The following ARHGAP35 variants were observed in gnomAD, a reference collection of about 807,000 sequenced individuals.
The protein encoded by ARHGAP35 is Rho GTPase activating protein 35.
In ARHGAP35, 15 loss-of-function variants were observed where a neutral mutation model predicts 111.1. The ratio of observed to expected loss-of-function variants is 0.13; its 90% CI spans 0.09 to 0.21. ARHGAP35 has a LOEUF of 0.21. ARHGAP35 is among the 10% of genes least tolerant of loss of function. The pLI is 1.00. For synonymous variants in ARHGAP35, 643 were observed against 710.3 expected (o/e 0.91, Z 1.51); for missense variants, 1,262 against 1,873.0 (o/e 0.67, Z 6.02).
chr19:46,972,607 G>T (rs2056557006), intron 3 of ARHGAP35, among the ~76,000 whole-genome samples: 1 of 152,190 alleles, frequency 6.6e-6, no homozygotes, highest in Non-Finnish European at 1.5e-5. Context: ...GAGTCTCCCT[G>T]TCCTTGATTG....
intron 3 of ARHGAP35, among the ~76,000 whole-genome samples, chr19:46,950,986 G>T (rs769184852): frequency 6.6e-6 from 1 of 152,210 alleles, no homozygotes; most frequent in Non-Finnish European, 1.5e-5. Context: ...AAGAAATGAG[G>T]CTCTTACCCC....
rs372899235 is a variant in ARHGAP35 at position 46,936,456 on chromosome 19, T to C, written c.3682-808T>C. Among the ~76,000 whole-genome samples the C allele has an allele frequency of 1.9e-4, 29 of 152,306 alleles. No individual in the cohort carries two copies. The South Asian group carries it at 5.8e-3, about 30-fold the overall frequency. ...CAACTGAGAATTAACCCCAAGCTAA[T>C]GTATCAAAGGACATTCTCATTTGGG... On this transcript the variant is annotated intron_variant, in intron 2 of 6. Coordinates refer to ENST00000672722, the MANE Select transcript of ARHGAP35 (RefSeq NM_004491.5).
At chr19:46,902,093 A>G (rs939531969) in intron 1 of ARHGAP35, among the ~76,000 whole-genome samples, 1 of 152,200 alleles carries the variant, frequency 6.6e-6, no homozygotes, top group Non-Finnish European at 1.5e-5. Flanking sequence ...TGTTTGTACT[A>G]GGATTTTTTG....
chr19:46,968,386 G>C (rs939025577), intron 3 of ARHGAP35, among the ~76,000 whole-genome samples: 4 of 152,146 alleles, frequency 2.6e-5, no homozygotes, highest in African/African-American at 9.7e-5. Context: ...GAGCAGGAGG[G>C]AAGAAAGCAA....
intron 1 of ARHGAP35, among the ~76,000 whole-genome samples, chr19:46,892,077 G>C (rs1438895298): frequency 6.8e-6 from 1 of 146,828 alleles, no homozygotes; most frequent in Non-Finnish European, 1.5e-5. Flanking sequence ...ACTGAGGTCA[G>C]GAGTTCGAGA....
chr19:46,999,000 A>G (rs1037361754), intron 5 of ARHGAP35: 7 of 338,894 alleles, frequency 2.1e-5, no homozygotes, highest in Non-Finnish European at 3.2e-5. Flanking sequence ...ATGAGCAAAG[A>G]ATGGTGTTCT....
intron 3 of ARHGAP35, among the ~76,000 whole-genome samples, chr19:46,937,887 TCTGAGGTA>T (rs2056319440): frequency 6.6e-6 from 1 of 152,222 alleles, no homozygotes; most frequent in Non-Finnish European, 1.5e-5. Context: ...AGGATTTTTT[TCTGAGGTA>T]AGAAAATGAT....
chr19:46,878,290 T>C (rs2055937656), intron 1 of ARHGAP35, among the ~76,000 whole-genome samples: 1 of 152,134 alleles, frequency 6.6e-6, no homozygotes, highest in African/African-American at 2.4e-5. Flanking sequence ...TCTAAAGTGC[T>C]GGGATTACAG....
intron 1 of ARHGAP35, among the ~76,000 whole-genome samples, chr19:46,862,069 T>G (rs1358386483): frequency 6.6e-6 from 1 of 152,104 alleles, no homozygotes; most frequent in Non-Finnish European, 1.5e-5. Flanking sequence ...CAGCTCTTGT[T>G]CCCGTTTACC....
At chr19:46,944,331 C>T (rs997836513) in intron 3 of ARHGAP35, among the ~76,000 whole-genome samples, 1 of 151,638 alleles carries the variant, frequency 6.6e-6, no homozygotes, top group South Asian at 2.1e-4. Flanking sequence ...TATACTTGCT[C>T]ACTGTAAAAC....
chr19:46,912,393 C>G (rs113530870), intron 1 of ARHGAP35, among the ~76,000 whole-genome samples: 1 of 141,722 alleles, frequency 7.1e-6, no homozygotes, highest in South Asian at 2.3e-4. Flanking sequence ...CTTGCTCTGT[C>G]GCCCAGGCTG....
At chr19:46,886,124 G>A (rs2055992225) in intron 1 of ARHGAP35, among the ~76,000 whole-genome samples, 1 of 152,084 alleles carries the variant, frequency 6.6e-6, no homozygotes, top group South Asian at 2.1e-4. Context: ...TGTTGTCGTC[G>A]TCCGTCCTGG....
At position 46,918,802 on chromosome 19, in the gene ARHGAP35, G is replaced by C. The variant is rs762607584; in HGVS notation, c.127G>C (p.Val43Leu). The C allele has an allele frequency of 6.2e-7, 1 of 1,613,948 alleles. No individual in the cohort carries two copies. The highest frequency in any genetic ancestry group is 1.1e-5 in the South Asian group (1 of 91,074). ...IGKSCLCNRF[V>L]RPSADEFHLD... ...AAAGTCTTGTTTGTGCAACCGCTTC[G>C]TGCGCCCGAGTGCTGACGAGTTTCA... is the stretch of plus-strand genomic sequence containing the variant. Residue 43 changes from valine (V) to leucine (L), a missense_variant, in exon 2 of 7, where the codon GTG (valine) becomes CTG (leucine). Transcript: ENST00000672722. The surrounding 1 kb of genome is among the most constrained non-coding windows in gnomAD (Gnocchi z 5.4).
intron 1 of ARHGAP35, among the ~76,000 whole-genome samples, chr19:46,865,516 C>A (rs879684251): frequency 1.3e-5 from 2 of 152,150 alleles, no homozygotes; most frequent in Non-Finnish European, 2.9e-5. Context: ...TGTGCAGATT[C>A]ATGGGCAGAT....
intron 1 of ARHGAP35, among the ~76,000 whole-genome samples, chr19:46,866,280 C>T (rs1377365604): frequency 6.6e-6 from 1 of 152,158 alleles, no homozygotes; most frequent in Non-Finnish European, 1.5e-5. Flanking sequence ...GTGACTAGCA[C>T]AAATACCTCC....
chr19:46,938,998 T>A (rs1052575514), intron 3 of ARHGAP35, among the ~76,000 whole-genome samples: 1 of 152,272 alleles, frequency 6.6e-6, no homozygotes, highest in South Asian at 2.1e-4. Context: ...ACTTTGTATT[T>A]ATTTCCTAGG....
intron 3 of ARHGAP35, among the ~76,000 whole-genome samples, chr19:46,972,095 C>T (rs408517): frequency 0.32 from 49,325 of 152,120 alleles, 8,302 homozygotes; most frequent in Middle Eastern, 0.43. Flanking sequence ...CTGCAACCTC[C>T]GCCTCCCGGG....
chr19:46,877,332 G>T (rs1222113881), intron 1 of ARHGAP35, among the ~76,000 whole-genome samples: 1 of 151,850 alleles, frequency 6.6e-6, no homozygotes, highest in Non-Finnish European at 1.5e-5. Context: ...GGAGGCGGAG[G>T]TGGGTGGATC....
Position 46,921,713 on chromosome 19 carries a change from C to G in ARHGAP35, c.3038C>G (p.Ser1013Cys). 6.2e-7 allele frequency: 1 copy of G among 1,614,000 alleles called. No homozygotes were observed. Among genetic ancestry groups the G allele is most frequent in the Non-Finnish European group, 8.5e-7 (1 of 1,179,902 alleles). The stretch of plus-strand genomic sequence containing the variant: ...CTGTCCAAAGACCATTCTAAGCTCT[C>G]TATGGAACTGGAGGGAAATGATGGG... ...PSLSKDHSKL[S>C]MELEGNDGLS... The change falls in exon 2 of 7, where the codon TCT becomes TGT. Residue 1013 changes from serine to cysteine, a missense_variant. Transcript: ENST00000672722. This position sits in a 1 kb window ranked among gnomAD's most constrained non-coding sequence, Gnocchi z 4.3.
Sources: allele counts gnomAD v4.1 joint callset (sites outside exome capture counted in the v4.1 genomes callset), GRCh38; gene constraint gnomAD v4.1.1; non-coding constraint Gnocchi (gnomAD v3.1); transcripts MANE v1.5; gene names NCBI Gene and HGNC (gene_info 2026-07-23, HGNC 2026-07-21).